The following TENM2 variants were observed in gnomAD, a reference collection of about 807,000 sequenced individuals.
The protein encoded by TENM2 is teneurin-2.
In TENM2, 52 loss-of-function variants were observed where a neutral mutation model predicts 245.2. That is an observed-to-expected ratio of 0.21 (90% confidence interval 0.17 to 0.27). The LOEUF is 0.27. Among genes scored for constraint, TENM2 ranks in the 10% least tolerant of loss-of-function variants. TENM2 has a pLI of 1.00. For missense variants in TENM2, 3,046 were observed against 3,666.8 expected (o/e 0.83, Z 4.37); for synonymous variants, 1,363 against 1,438.9 (o/e 0.95, Z 1.19).
rs556333395 is a variant in TENM2, at chr5:167,788,631, T to C, written c.503-87355T>C. 1.1e-4 allele frequency among the ~76,000 whole-genome samples: 17 copies of C among 152,292 alleles called. No individual in the cohort carries two copies. In the South Asian group the frequency reaches 3.5e-3, roughly 32 times the overall value. On this transcript the variant is annotated intron_variant, in intron 2 of 28. Transcript: ENST00000518659. ...AACGGGTCTTCAACAACACTTTTCT[T>C]ATAGATCATGTATTAATTAAGGCAA...
At chr5:167,330,335 A>G (rs1278254047) in intron 1 of TENM2, among the ~76,000 whole-genome samples, 2 of 152,118 alleles carry the variant, frequency 1.3e-5, no homozygotes, top group Admixed American at 1.3e-4. Context: ...AGATGTAGAG[A>G]AGGTATTCTG....
the TENM2 span, among the ~76,000 whole-genome samples, chr5:167,127,161 G>A: frequency 3.9e-5 from 6 of 152,112 alleles, no homozygotes; most frequent in African/African-American, 1.4e-4. Flanking sequence ...AATTTGGTTA[G>A]TTTAGCAGAA....
rs143850024 is a variant in TENM2, at chr5:167,900,740, ACTGT to A, written c.712+24549_712+24552del. On this transcript the variant is annotated intron_variant, in intron 3 of 28. Transcript: ENST00000518659. ...CTAGTTATGACCGTGGCAGAGAAAGACTGTCTGAAATAGGTCAAGCCTTCAGTCA... is the reference window on the plus strand; with the variant it reads ...CTAGTTATGACCGTGGCAGAGAAAGACTGAAATAGGTCAAGCCTTCAGTCA... Among the ~76,000 whole-genome samples, 57 of 152,092 alleles carry A rather than the reference ACTGT, an allele frequency of 3.7e-4. 1 individual carries two copies. The highest frequency in any genetic ancestry group is 1.3e-3 in the African/African-American group (56 of 41,504).
At chr5:167,974,061 G>GGAAA (rs1395484353) in intron 4 of TENM2, among the ~76,000 whole-genome samples, 12 of 14,126 alleles carry the variant, frequency 8.5e-4, no homozygotes, top group Non-Finnish European at 1.4e-3. Context: ...GAGGAAAGGA[G>GGAAA]GGAGGGAGGG....
intron 9 of TENM2, among the ~76,000 whole-genome samples, chr5:168,099,035 A>C (rs1290835743): frequency 6.6e-6 from 1 of 151,912 alleles, no homozygotes; most frequent in African/African-American, 2.4e-5. Flanking sequence ...TCAGCCTCCC[A>C]AGTAGCTGGA....
At chr5:168,132,251 T>C (rs1449926901) in intron 12 of TENM2, among the ~76,000 whole-genome samples, 3 of 152,168 alleles carry the variant, frequency 2.0e-5, no homozygotes, top group African/African-American at 7.2e-5. Flanking sequence ...AGCAAGAGTC[T>C]CATCACTGGA....
intron 2 of TENM2, chr5:167,821,040 G>A (rs1767480355): frequency 6.6e-6 from 1 of 152,178 alleles, no homozygotes; most frequent in Non-Finnish European, 1.5e-5. Context: ...AGGAAAAGGT[G>A]GGGAGTGGGG....
intron 2 of TENM2, among the ~76,000 whole-genome samples, chr5:167,848,437 AAT>A (rs1014517956): frequency 6.6e-6 from 1 of 151,696 alleles, no homozygotes. Context: ...TGCTTTGGCA[AAT>A]ATATATATAT....
intron 2 of TENM2, among the ~76,000 whole-genome samples, chr5:167,385,053 C>T (rs1009028115): frequency 2.0e-5 from 3 of 152,048 alleles, no homozygotes; most frequent in Non-Finnish European, 2.9e-5. Flanking sequence ...CAATTAGACT[C>T]CAGTGTTTAT....
intron 3 of TENM2, among the ~76,000 whole-genome samples, chr5:167,951,924 C>T (rs1165848164): frequency 6.6e-6 from 1 of 152,034 alleles, no homozygotes; most frequent in East Asian, 1.9e-4. Flanking sequence ...GAATTGTCAA[C>T]ATTTTTAAAA....
intron 23 of TENM2, among the ~76,000 whole-genome samples, chr5:168,220,082 A>G (rs1763542041): frequency 2.0e-5 from 3 of 152,154 alleles, no homozygotes; most frequent in Admixed American, 6.5e-5. Flanking sequence ...GAAGCATCTT[A>G]ATACCCTTCA....
At chr5:168,215,586 G>A (rs551527316) in intron 21 of TENM2, among the ~76,000 whole-genome samples, 29 of 152,320 alleles carry the variant, frequency 1.9e-4, no homozygotes, top group Non-Finnish European at 3.4e-4. Flanking sequence ...GGAGAATGGC[G>A]TGAACCCGGG....
the TENM2 span, among the ~76,000 whole-genome samples, chr5:166,980,774 C>A: frequency 6.6e-6 from 1 of 152,146 alleles, no homozygotes; most frequent in Non-Finnish European, 1.5e-5. Context: ...AGTTTCTGTA[C>A]ATGTATCATC....
exon 29 of TENM2, chr5:168,262,853 G>A (rs1402059662): frequency 6.6e-7 from 1 of 1,521,470 alleles, no homozygotes; most frequent in Non-Finnish European, 8.9e-7. Context: ...GGCTCAGCAG[G>A]AGTAACTGTT....
At chr5:167,682,453 G>A (rs530434997) in intron 2 of TENM2, among the ~76,000 whole-genome samples, 8 of 152,104 alleles carry the variant, frequency 5.3e-5, no homozygotes, top group Admixed American at 3.3e-4. Flanking sequence ...ATGAGCCACC[G>A]TGCCTGGATG....
chr5:167,929,065 G>GAA (rs541566819), intron 3 of TENM2, among the ~76,000 whole-genome samples: 2 of 4,928 alleles, frequency 4.1e-4, no homozygotes, highest in Admixed American at 1.9e-3. Flanking sequence ...AAGAGAGAAA[G>GAA]AAAGAAAGAA....
chr5:167,645,246 T>C (rs1174362231), intron 2 of TENM2, among the ~76,000 whole-genome samples: 1 of 152,210 alleles, frequency 6.6e-6, no homozygotes, highest in Non-Finnish European at 1.5e-5. Context: ...AGGTGTCTTT[T>C]CTCGAGCACA....
intron 2 of TENM2, among the ~76,000 whole-genome samples, chr5:167,398,659 C>T (rs184538495): frequency 1.2e-4 from 19 of 152,120 alleles, no homozygotes; most frequent in African/African-American, 2.6e-4. Flanking sequence ...AGGCTGGTCT[C>T]GAACTCCTGA....
At chr5:167,241,540 T>C in the TENM2 span, among the ~76,000 whole-genome samples, 1 of 152,126 alleles carries the variant, frequency 6.6e-6, no homozygotes, top group Admixed American at 6.5e-5. Flanking sequence ...GAGAATCACG[T>C]ACGATATAAT....
Sources: allele counts gnomAD v4.1 joint callset (sites outside exome capture counted in the v4.1 genomes callset), GRCh38; gene constraint gnomAD v4.1.1; transcripts MANE v1.5; gene names NCBI Gene and HGNC (gene_info 2026-07-23, HGNC 2026-07-21).